ITGB1: variants seen among roughly 807,000 people sequenced by gnomAD.
ITGB1 encodes integrin subunit beta 1, also known as integrin beta-1.
Under a neutral mutation model 86.5 loss-of-function variants are expected in ITGB1, and 24 were observed. The observed-to-expected ratio is 0.28, with a 90% CI of 0.20 to 0.39. The LOEUF (loss-of-function observed/expected upper bound fraction) is 0.39. ITGB1 is among the 10% of genes least tolerant of loss of function. ITGB1 has a pLI of 1.00. For synonymous variants in ITGB1, 323 were observed against 316.8 expected (o/e 1.02, Z -0.21); for missense variants, 556 against 946.9 (o/e 0.59, Z 5.42).
chr10:32,956,325 C>G (rs1199713856), intron 1 of ITGB1, among the ~76,000 whole-genome samples: 1 of 151,210 alleles, frequency 6.6e-6, no homozygotes, highest in African/African-American at 2.4e-5. Context: ...TCGTAAAGGA[C>G]GTATGTGGTT....
At chr10:32,930,347 A>T (rs1000168827) in intron 3 of ITGB1, among the ~76,000 whole-genome samples, 1 of 152,136 alleles carries the variant, frequency 6.6e-6, no homozygotes. Context: ...TCACTAATTG[A>T]GCATGGTTAA....
rs578057365 is a variant in ITGB1, at chr10:32,907,222, CT to C, written c.2331+1145del. The C allele has an allele frequency of 8.4e-4, 369 of 437,118 alleles. 1 individual carries two copies. The highest frequency in any genetic ancestry group is 1.0e-3 in the South Asian group (45 of 43,196). 27.1% of individuals were successfully genotyped at this position (437,118 alleles called of 1,614,324 possible). On this transcript the variant is annotated intron_variant, in intron 15 of 15. Coordinates refer to ENST00000302278, the MANE Select transcript of ITGB1 (RefSeq NM_002211.4). ...TATAGTGTTTGAACACTATAAATGT[CT>C]TTTTTTTTATTTCTACCCTTCTGAA...
At chr10:32,949,470 T>C (rs1038155192) in intron 1 of ITGB1, among the ~76,000 whole-genome samples, 2 of 152,214 alleles carry the variant, frequency 1.3e-5, no homozygotes, top group Non-Finnish European at 2.9e-5. Context: ...TCTTGGGCAT[T>C]TGAACTTAAT....
chr10:32,934,778 C>CT (rs1437391865), intron 2 of ITGB1, among the ~76,000 whole-genome samples: 1 of 151,930 alleles, frequency 6.6e-6, no homozygotes, highest in African/African-American at 2.4e-5. Flanking sequence ...GAAGTGGAAC[C>CT]TTTGTTTAGT....
intron 1 of ITGB1, among the ~76,000 whole-genome samples, chr10:32,941,494 G>C (rs1237615407): frequency 6.6e-6 from 1 of 152,110 alleles, no homozygotes; most frequent in East Asian, 1.9e-4. Context: ...CAGGAACGAA[G>C]ACCAAGCAAG....
rs543592918 is a variant in ITGB1 at position 32,924,004 on chromosome 10, TGTTTG to T, written c.787-269_787-265del. ...CTTTTTAAAAACTGTTTTTTTGTTT[TGTTTG>T]GTTTGGTTTAGTTCTGCTTATCATC... On this transcript the variant is annotated intron_variant, in intron 6 of 15. Coordinates refer to ENST00000302278, the MANE Select transcript of ITGB1 (RefSeq NM_002211.4). Among the ~76,000 whole-genome samples, 230 of 152,290 alleles carry T rather than the reference TGTTTG, an allele frequency of 1.5e-3. 2 individuals are homozygous for T. The highest frequency in any genetic ancestry group is 5.3e-3 in the African/African-American group (220 of 41,562).
At chr10:32,927,719 G>A (rs375316869) in intron 5 of ITGB1, among the ~76,000 whole-genome samples, 4 of 150,904 alleles carry the variant, frequency 2.7e-5, no homozygotes, top group Non-Finnish European at 4.4e-5. Flanking sequence ...ACTTGAACCC[G>A]GGAAGCGGAG....
At chr10:32,957,169 A>G (rs1023930875) in intron 1 of ITGB1, among the ~76,000 whole-genome samples, 2 of 152,228 alleles carry the variant, frequency 1.3e-5, no homozygotes, top group African/African-American at 4.8e-5. Flanking sequence ...ATTAATGTAG[A>G]TATTACTGTT....
At chr10:32,909,210 T>A (rs2094905888) in intron 14 of ITGB1, among the ~76,000 whole-genome samples, 1 of 152,204 alleles carries the variant, frequency 6.6e-6, no homozygotes, top group Admixed American at 6.5e-5. Context: ...GAAACAGGCC[T>A]ACACATGTAA....
chr10:32,906,901 G>A (rs745843651), intron 15 of ITGB1, among the ~76,000 whole-genome samples: 11 of 151,966 alleles, frequency 7.2e-5, no homozygotes, highest in African/African-American at 9.7e-5. Context: ...CTTATTTTAC[G>A]GTCTTTCTAA....
At chr10:32,936,130 T>A (rs558653555) in intron 1 of ITGB1, 1 of 152,420 alleles carries the variant, frequency 6.6e-6, no homozygotes, top group African/African-American at 2.4e-5. Context: ...CTATTATCTC[T>A]CTTTTTTAAG....
At chr10:32,931,858 T>G (rs1211802416) in intron 3 of ITGB1, among the ~76,000 whole-genome samples, 1 of 152,060 alleles carries the variant, frequency 6.6e-6, no homozygotes, top group East Asian at 1.9e-4. Flanking sequence ...TTTTGATATA[T>G]TCATTCATTC....
chr10:32,942,699 G>GTTT (rs1162232836), intron 1 of ITGB1, among the ~76,000 whole-genome samples: 45,375 of 140,256 alleles, frequency 0.32, 8,917 homozygotes, highest in Non-Finnish European at 0.47. Flanking sequence ...TTTTTTTTTG[G>GTTT]GGGGAGACAG....
chr10:32,930,081 T>G, intron 3 of ITGB1, 37 bp from the exon 4 acceptor site: 1 of 820,964 alleles, frequency 1.2e-6, no homozygotes, highest in Non-Finnish European at 2.1e-6. Context: ...AAATGAAAAT[T>G]GTAATGGTCA....
At chr10:32,956,892 A>G (rs753522052) in intron 1 of ITGB1, among the ~76,000 whole-genome samples, 2 of 152,212 alleles carry the variant, frequency 1.3e-5, no homozygotes, top group Non-Finnish European at 2.9e-5. Flanking sequence ...TAAGTTTTTT[A>G]CATTTTGCAT....
chr10:32,908,636 C>G, intron 14 of ITGB1, 102 bp from the exon 15 acceptor site: 2 of 911,804 alleles, frequency 2.2e-6, no homozygotes, highest in Non-Finnish European at 3.3e-6. Flanking sequence ...GCACACTATC[C>G]CAAAGAATCT....
At chr10:32,943,734 G>A (rs1318981351) in intron 1 of ITGB1, among the ~76,000 whole-genome samples, 2 of 152,050 alleles carry the variant, frequency 1.3e-5, no homozygotes, top group Non-Finnish European at 2.9e-5. Context: ...AGCAGAGCCT[G>A]GGAACAGAAC....
intron 3 of ITGB1, among the ~76,000 whole-genome samples, chr10:32,931,915 T>C (rs983272070): frequency 6.6e-6 from 1 of 152,140 alleles, no homozygotes; most frequent in African/African-American, 2.4e-5. Flanking sequence ...GAAGGTACCA[T>C]ATTAGCAAAA....
chr10:32,956,398 TA>T (rs200758059), intron 1 of ITGB1, among the ~76,000 whole-genome samples: 2 of 141,950 alleles, frequency 1.4e-5, no homozygotes, highest in African/African-American at 5.3e-5. Flanking sequence ...AAACTACAAT[TA>T]AAAAAAAAAA....
Sources: gnomAD v4.1 joint callset for allele counts (sites outside exome capture counted in the v4.1 genomes callset) on GRCh38, gnomAD v4.1.1 for gene constraint, MANE v1.5 for transcripts, NCBI Gene and HGNC (gene_info 2026-07-23, HGNC 2026-07-21) for gene names.